The following SUPT3H variants were observed in gnomAD, a reference collection of about 807,000 sequenced individuals.
SUPT3H encodes transcription initiation protein SPT3 homolog.
SUPT3H carries 44 observed loss-of-function variants against 44.3 expected under a neutral mutation model. The observed-to-expected ratio is 0.99, with a 90% CI of 0.78 to 1.28. The LOEUF is 1.28. Among genes scored for constraint, SUPT3H ranks in the 50% most tolerant of loss-of-function variants. The pLI, the probability that SUPT3H is intolerant of heterozygous loss-of-function variation, is 0.00. For synonymous variants in SUPT3H, 124 were observed against 125.6 expected (o/e 0.99, Z 0.09); for missense variants, 380 against 387.1 (o/e 0.98, Z 0.15).
At chr6:45,193,057 A>C (rs1366875852) in intron 2 of SUPT3H, among the ~76,000 whole-genome samples, 1 of 152,178 alleles carries the variant, frequency 6.6e-6, no homozygotes, top group African/African-American at 2.4e-5. Context: ...TAGAGTTCCA[A>C]AGAATTCTCT....
chr6:44,877,536 G>A (rs1777512667), intron 10 of SUPT3H, among the ~76,000 whole-genome samples: 1 of 151,272 alleles, frequency 6.6e-6, no homozygotes, highest in Non-Finnish European at 1.5e-5. Context: ...CAGGTAAGCA[G>A]ATTATTTCCA....
chr6:45,352,322 C>G (rs1161023968), intron 2 of SUPT3H, among the ~76,000 whole-genome samples: 2 of 151,958 alleles, frequency 1.3e-5, no homozygotes, highest in African/African-American at 4.8e-5. Flanking sequence ...GTTTATGCAC[C>G]AAAGATCAAG....
At chr6:45,094,542 A>G (rs766662810) in intron 3 of SUPT3H, among the ~76,000 whole-genome samples, 2 of 152,126 alleles carry the variant, frequency 1.3e-5, no homozygotes, top group African/African-American at 2.4e-5. Flanking sequence ...AAGGACTGGG[A>G]ATTCCTTCCC....
chr6:45,082,279 A>C (rs1795912979), intron 3 of SUPT3H, among the ~76,000 whole-genome samples: 1 of 152,158 alleles, frequency 6.6e-6, no homozygotes, highest in African/African-American at 2.4e-5. Context: ...ACTCCTCCCT[A>C]ACTCATTCTA....
intron 2 of SUPT3H, among the ~76,000 whole-genome samples, chr6:45,219,099 T>A (rs527992771): frequency 7.6e-4 from 115 of 151,866 alleles, no homozygotes; most frequent in Non-Finnish European, 1.5e-3. Flanking sequence ...TTGATGCAGC[T>A]AAAATCAAGA....
rs573526055 is a variant in SUPT3H, at chr6:45,280,123, G to A, written c.101+85078C>T. On this transcript the variant is annotated intron_variant, in intron 2 of 10. Transcript: ENST00000371459. ...TCTCTTCTACTGCAAAAATATGTAT[G>A]TCTAACACGGGAAGCCAAATTTTTC... Among the ~76,000 whole-genome samples, 4 of 152,224 alleles carry A rather than the reference G, an allele frequency of 2.6e-5. No homozygotes were observed. In the South Asian group the frequency reaches 8.3e-4, roughly 32 times the overall value.
At chr6:45,037,143 T>C (rs1403011389) in intron 3 of SUPT3H, among the ~76,000 whole-genome samples, 1 of 151,966 alleles carries the variant, frequency 6.6e-6, no homozygotes, top group Non-Finnish European at 1.5e-5. Flanking sequence ...AATGCAAATA[T>C]AGTACCATAC....
At chr6:44,892,883 C>T (rs575744135) in intron 10 of SUPT3H, among the ~76,000 whole-genome samples, 243 of 152,256 alleles carry the variant, frequency 1.6e-3, no homozygotes, top group African/African-American at 5.5e-3. Flanking sequence ...AATTACTTTC[C>T]TTCCACTAAA....
chr6:45,347,707 G>A (rs1047991568), intron 2 of SUPT3H, among the ~76,000 whole-genome samples: 2 of 151,416 alleles, frequency 1.3e-5, no homozygotes, highest in Non-Finnish European at 2.9e-5. Flanking sequence ...AAATAGAAGA[G>A]TGAAATCCAA....
intron 2 of SUPT3H, among the ~76,000 whole-genome samples, chr6:45,341,660 T>C (rs1789806903): frequency 6.6e-6 from 1 of 152,082 alleles, no homozygotes; most frequent in African/African-American, 2.4e-5. Context: ...AGGAATGAAA[T>C]GGCAAAATGT....
At chr6:44,811,520 G>C (rs1321969648) in intron 11 of SUPT3H, among the ~76,000 whole-genome samples, 2 of 152,192 alleles carry the variant, frequency 1.3e-5, no homozygotes, top group Non-Finnish European at 2.9e-5. Flanking sequence ...TTCCCTACAG[G>C]GTTCTGAGTT....
At chr6:45,087,567 A>C (rs1049964472) in intron 3 of SUPT3H, among the ~76,000 whole-genome samples, 3 of 151,918 alleles carry the variant, frequency 2.0e-5, no homozygotes, top group Non-Finnish European at 2.9e-5. Flanking sequence ...AATAATAATA[A>C]AAGGAAATGT....
intron 3 of SUPT3H, among the ~76,000 whole-genome samples, chr6:45,070,099 C>T (rs1355504806): frequency 6.6e-6 from 1 of 152,000 alleles, no homozygotes; most frequent in Non-Finnish European, 1.5e-5. Context: ...TTTGAAGTTA[C>T]CTAAAGCATA....
downstream of SUPT3H, among the ~76,000 whole-genome samples, chr6:44,823,824 G>A (rs909935107): frequency 6.6e-6 from 1 of 152,012 alleles, no homozygotes; most frequent in Non-Finnish European, 1.5e-5. Context: ...TTAGCTGGGC[G>A]TGGTGGCAGG....
intron 10 of SUPT3H, among the ~76,000 whole-genome samples, chr6:44,912,035 C>T (rs1226022458): frequency 6.6e-6 from 1 of 152,166 alleles, no homozygotes; most frequent in Non-Finnish European, 1.5e-5. Context: ...CATGGCAGCA[C>T]AATCCACAGA....
At chr6:45,276,267 T>A (rs1777000454) in intron 2 of SUPT3H, among the ~76,000 whole-genome samples, 1 of 152,056 alleles carries the variant, frequency 6.6e-6, no homozygotes, top group Non-Finnish European at 1.5e-5. Flanking sequence ...AAATGGAGTT[T>A]ATATATTAGT....
At chr6:45,295,091 T>C (rs1780925432) in intron 2 of SUPT3H, among the ~76,000 whole-genome samples, 1 of 152,110 alleles carries the variant, frequency 6.6e-6, no homozygotes, top group Non-Finnish European at 1.5e-5. Flanking sequence ...TTACCTGATT[T>C]CAAACTATAC....
At chr6:45,093,143 A>G (rs916370025) in intron 3 of SUPT3H, among the ~76,000 whole-genome samples, 1 of 152,194 alleles carries the variant, frequency 6.6e-6, no homozygotes, top group Non-Finnish European at 1.5e-5. Context: ...ATAAAAATAC[A>G]TATTTTACAA....
At chr6:45,100,541 T>TAAAAAAAAAAAAAAAAAAAAAAAA (rs58120512) in intron 3 of SUPT3H, among the ~76,000 whole-genome samples, 2 of 33,454 alleles carry the variant, frequency 6.0e-5, no homozygotes, top group African/African-American at 3.5e-4. Context: ...ACCCTGTACT[T>TAAAAAAAAAAAAAAAAAAAAAAAA]AAAAAAAAAA....
Sources: gnomAD v4.1 joint callset for allele counts (sites outside exome capture counted in the v4.1 genomes callset) on GRCh38, gnomAD v4.1.1 for gene constraint, MANE v1.5 for transcripts, NCBI Gene and HGNC (gene_info 2026-07-23, HGNC 2026-07-21) for gene names.